STAB1: variants seen among roughly 807,000 people sequenced by gnomAD.
STAB1 encodes the protein stabilin 1, also known as stabilin-1.
Under a neutral mutation model 332.4 loss-of-function variants are expected in STAB1, and 250 were observed. The ratio of observed to expected loss-of-function variants is 0.75; its 90% confidence interval spans 0.68 to 0.84. STAB1 has a LOEUF of 0.84. Among genes scored for constraint, STAB1 ranks in the 40% least tolerant of loss-of-function variants. STAB1 has a pLI of 0.00. For missense variants in STAB1, 3,249 were observed against 3,489.7 expected, an observed-to-expected ratio of 0.93 and a Z score of 1.74; for synonymous variants, 1,475 against 1,390.4, an observed-to-expected ratio of 1.06 and a Z score of -1.35.
At chr3:52,508,152 G>A in intron 20 of STAB1, 121 bp from the exon 21 acceptor site, 3 of 1,361,068 alleles carry the variant, frequency 2.2e-6, no homozygotes, top group Non-Finnish European at 3.1e-6. Flanking sequence ...CGGTGGAAAA[G>A]GGGTCCCAGA....
rs780682999 is a variant in STAB1, at chr3:52,523,134, G to T, written c.7020G>T (p.Gly2340=). The T allele has an allele frequency of 6.2e-7, 1 of 1,600,832 alleles. No homozygotes were observed. The highest frequency in any genetic ancestry group is 2.2e-5 in the East Asian group (1 of 44,848). ...AATANFSTFY[G]MLLGYANATQ... ...CTGCCAACTTCTCCACCTTCTATGG[G>T]GTGTGTGGGGGCCACCCTTGGGGGC... Residue 2340 remains glycine, a splice_region_variant and synonymous_variant, in exon 63 of 69, where the codon GGG becomes GGT. Coordinates refer to ENST00000321725, the MANE Select transcript of STAB1 (RefSeq NM_015136.3).
chr3:52,515,157 C>T (rs2078817198), intron 36 of STAB1, 112 bp downstream of exon 36: 1 of 1,358,662 alleles, frequency 7.4e-7, no homozygotes, highest in Non-Finnish European at 1.0e-6. Context: ...GGCATCCAGG[C>T]TCAGGGAACT....
At position 52,502,675 on chromosome 3, in the gene STAB1, G is replaced by A. The variant is rs1436854519; in HGVS notation, c.531G>A (p.Gly177=). ...VHGVCNHGPR[G]DGSCLCFAGY... ...GAGTGTGCAACCATGGGCCACGTGGGGATGGAAGCTGCCTGTGCTTTGCTG... is the reference window on the plus strand; with the variant it reads ...GAGTGTGCAACCATGGGCCACGTGGAGATGGAAGCTGCCTGTGCTTTGCTG... The change falls in exon 6 of 69, where the codon GGG becomes GGA. Residue 177 remains glycine (G), a synonymous_variant. Transcript: ENST00000321725. 1 of 1,613,894 alleles carries A rather than the reference G, an allele frequency of 6.2e-7. No homozygotes were observed. Among genetic ancestry groups the A allele is most frequent in the Non-Finnish European group, 8.5e-7 (1 of 1,179,948 alleles).
At chr3:52,512,235 G>T (rs1341994868) in intron 26 of STAB1, 106 bp from the exon 27 acceptor site, 1 of 1,066,970 alleles carries the variant, frequency 9.4e-7, no homozygotes, top group Non-Finnish European at 1.4e-6. Flanking sequence ...GCAGAGCAAG[G>T]GGCAGGGGCT....
rs377004669 is a variant in STAB1 at position 52,505,106 on chromosome 3, G to A, written c.1481G>A (p.Arg494Gln). ...NGVFHVVTGLRWQAPSGTPGD... is the reference protein window; with the variant it reads ...NGVFHVVTGLQWQAPSGTPGD... ...GTCTTCCACGTGGTCACTGGCCTGC[G>A]GTGGCAGGCCCCCTCTGGGACCCCT... Residue 494 changes from arginine (R) to glutamine (Q), a missense_variant, in exon 13 of 69, where the codon CGG becomes CAG. Transcript: ENST00000321725. The A allele has an allele frequency of 2.2e-5, 35 of 1,613,346 alleles. No homozygotes were observed. The highest frequency in any genetic ancestry group is 7.7e-5 in the South Asian group (7 of 91,086).
In STAB1 at chr3:52,502,175, C is replaced by T. The variant is rs1299881918; in HGVS notation, c.434C>T (p.Ser145Leu). ...TCVCQENFRG[S>L]ACQECQDPNR... ...CACCACCAGGAAAACTTCCGCGGCT[C>T]AGCCTGCCAGGAGTGCCAAGACCCC... Residue 145 changes from serine to leucine, a missense_variant, in exon 5 of 69, where the codon TCA becomes TTA. By Grantham distance (145) the Ser-to-Leu change is moderately radical (BLOSUM62 -2). Coordinates refer to ENST00000321725, the MANE Select transcript of STAB1 (RefSeq NM_015136.3). 2 of 1,613,302 alleles carry T rather than the reference C, an allele frequency of 1.2e-6. No homozygotes were observed. The highest frequency in any genetic ancestry group is 1.7e-5 in the Admixed American group (1 of 60,000).
At chr3:52,505,509 T>C in intron 14 of STAB1, 128 bp downstream of exon 14, 2 of 1,207,924 alleles carry the variant, frequency 1.7e-6, no homozygotes, top group Non-Finnish European at 2.3e-6. Flanking sequence ...CATGCCCCCG[T>C]CCTCAAGCCT....
At chr3:52,511,400 C>G (rs897093692) in intron 25 of STAB1, among the ~76,000 whole-genome samples, 3 of 152,200 alleles carry the variant, frequency 2.0e-5, no homozygotes, top group Non-Finnish European at 4.4e-5. Context: ...AGTGCAGGAG[C>G]ACCAAGTCTC....
At chr3:52,499,915 A>AG (rs1163148819) in intron 1 of STAB1, among the ~76,000 whole-genome samples, 2,551 of 145,818 alleles carry the variant, frequency 0.017, 138 homozygotes, top group African/African-American at 0.063. Context: ...AAAAAAAAAA[A>AG]AAAAAAAACT....
chr3:52,522,179 T>C lies in STAB1; in HGVS notation c.6414T>C (p.Asp2138=), dbSNP rs753263745. ...GCCGGGCCCGCAACCCCTGCACAGA[T>C]GGCCACCGCGGGGGCTGCAGCGAGC... is the stretch of plus-strand genomic sequence containing the variant. ...WSCRARNPCT[D]GHRGGCSEHA... Residue 2138 remains aspartate (D), a synonymous_variant, in exon 59 of 69, where the codon GAT becomes GAC. Transcript: ENST00000321725. 13 of 1,612,538 alleles carry C rather than the reference T, an allele frequency of 8.1e-6. No homozygotes were observed. In the South Asian group the frequency reaches 1.3e-4, roughly 16 times the overall value.
At chr3:52,515,358 C>T in intron 36 of STAB1, 65 bp from the exon 37 acceptor site, 1 of 1,489,492 alleles carries the variant, frequency 6.7e-7, no homozygotes, top group Non-Finnish European at 9.3e-7. Flanking sequence ...TGTCTGTCTC[C>T]CCATTCACTG....
rs1039223621 is a variant in STAB1 at position 52,524,434 on chromosome 3, G to A, written c.*78G>A. On this transcript the variant is annotated 3_prime_UTR_variant, in exon 69 of 69. Coordinates refer to ENST00000321725, the MANE Select transcript of STAB1 (RefSeq NM_015136.3). ...GCTTGTCTGGGTGGATGGGGCAGGA[G>A]GGGCTGAGGGCCTGTCCCAGACAAT... The A allele has an allele frequency of 3.1e-6, 5 of 1,611,878 alleles. No homozygotes were observed. The highest frequency in any genetic ancestry group is 4.2e-6 in the Non-Finnish European group (5 of 1,179,272).
chr3:52,505,819 C>T (rs1297687538), intron 15 of STAB1, 38 bp downstream of exon 15: 1 of 1,613,386 alleles, frequency 6.2e-7, no homozygotes, highest in African/African-American at 1.3e-5. Context: ...GGTATGGGGG[C>T]ACCAGGACCT....
intron 1 of STAB1, among the ~76,000 whole-genome samples, chr3:52,498,792 A>T (rs1381404673): frequency 6.6e-6 from 1 of 152,236 alleles, no homozygotes; most frequent in Non-Finnish European, 1.5e-5. Context: ...ACCCTGAGCC[A>T]GCAGCTGCTC....
In STAB1 at chr3:52,523,447, G is replaced by A. The variant is rs1411222167; in HGVS notation, c.7161G>A (p.Leu2387=). 6.2e-7 allele frequency: 1 copy of A among 1,609,176 alleles called. No homozygotes were observed. Among genetic ancestry groups the A allele is most frequent in the African/African-American group, 1.3e-5 (1 of 74,986 alleles). Residue 2387 remains leucine (L), a synonymous_variant, in exon 65 of 69, where the codon TTG becomes TTA. Coordinates refer to ENST00000321725, the MANE Select transcript of STAB1 (RefSeq NM_015136.3). ...CACAGACGCTGAGTGGCCCAGACTT[G>A]GAGCTGCATGCCTCCAACGCCACCC... is the stretch of plus-strand genomic sequence containing the variant. The part of the protein sequence containing the change: ...VDNMTLSGPD[L]ELHASNATLL...
rs896247815 is a variant in STAB1 at position 52,522,337 on chromosome 3, G to A, written c.6473G>A (p.Arg2158Gln). 4 of 1,612,758 alleles carry A rather than the reference G, an allele frequency of 2.5e-6. No individual in the cohort carries two copies. Among genetic ancestry groups the A allele is most frequent in the African/African-American group, 2.7e-5 (2 of 74,882 alleles). Reference protein sequence around the residue: ...ANCLSTGLNTRRCECHAGYVG... With the variant: ...ANCLSTGLNTQRCECHAGYVG... ...TGCTCTCTCCAACCCCAGAACACAC[G>A]GCGCTGTGAGTGCCACGCAGGCTAC... Residue 2158 changes from arginine to glutamine, a missense_variant, in exon 60 of 69, where the codon CGG becomes CAG. By Grantham distance (43) the Arg-to-Gln change is conservative. Transcript: ENST00000321725.
Position 52,523,458 on chromosome 3 carries a change from C to T in STAB1, c.7172C>T (p.Ala2391Val), listed in dbSNP as rs777641348. 3 of 1,610,312 alleles carry T rather than the reference C, an allele frequency of 1.9e-6. No homozygotes were observed. Among genetic ancestry groups the T allele is most frequent in the South Asian group, 2.2e-5 (2 of 91,058 alleles). Residue 2391 changes from alanine (A) to valine (V), a missense_variant, in exon 65 of 69, where the codon GCC (alanine) becomes GTC (valine). Transcript: ENST00000321725. ...AGTGGCCCAGACTTGGAGCTGCATGCCTCCAACGCCACCCTCCTAAGTGCC... is the reference window on the plus strand; with the variant it reads ...AGTGGCCCAGACTTGGAGCTGCATGTCTCCAACGCCACCCTCCTAAGTGCC... ...TLSGPDLELHASNATLLSANA... is the reference protein window; with the variant it reads ...TLSGPDLELHVSNATLLSANA...
intron 55 of STAB1, 36 bp from the exon 56 acceptor site, chr3:52,521,325 C>T (rs369701900): frequency 4.3e-6 from 7 of 1,612,520 alleles, no homozygotes; most frequent in Non-Finnish European, 5.9e-6. Flanking sequence ...GGTGAGAGCC[C>T]CTGGCCCCAC....
rs770722351 is a variant in STAB1 at position 52,505,105 on chromosome 3, C to A, written c.1480C>A (p.Arg494=). The A allele has an allele frequency of 6.8e-6, 11 of 1,613,398 alleles. No homozygotes were observed. The highest frequency in any genetic ancestry group is 8.5e-6 in the Non-Finnish European group (10 of 1,179,992). ...NGVFHVVTGL[R]WQAPSGTPGD... ...CGTCTTCCACGTGGTCACTGGCCTG[C>A]GGTGGCAGGCCCCCTCTGGGACCCC... The change falls in exon 13 of 69, where the codon CGG becomes AGG. Residue 494 remains arginine, a synonymous_variant. Coordinates refer to ENST00000321725, the MANE Select transcript of STAB1 (RefSeq NM_015136.3).
Sources: gnomAD v4.1 joint callset for allele counts (sites outside exome capture counted in the v4.1 genomes callset) on GRCh38, gnomAD v4.1.1 for gene constraint, MANE v1.5 for transcripts, NCBI Gene and HGNC (gene_info 2026-07-23, HGNC 2026-07-21) for gene names.